CD34: variants seen among roughly 807,000 people sequenced by gnomAD.
CD34 encodes hematopoietic progenitor cell antigen CD34.
In CD34, 34 loss-of-function variants were observed where a neutral mutation model predicts 40.1. The ratio of observed to expected loss-of-function variants is 0.85; its 90% CI spans 0.65 to 1.13. The LOEUF (loss-of-function observed/expected upper bound fraction) is 1.13, where lower values mean the gene tolerates loss of function less well. Ranked by LOEUF, CD34 falls within the 50% of genes most tolerant of loss-of-function variation. The pLI is 0.00. For missense variants in CD34, 426 were observed against 466.9 expected, an observed-to-expected ratio of 0.91 and a Z score of 0.81; for synonymous variants, 209 against 190.0, an observed-to-expected ratio of 1.10 and a Z score of -0.82.
At chr1:207,891,518 T>TA (rs1353900402) in intron 4 of CD34, among the ~76,000 whole-genome samples, 5 of 151,528 alleles carry the variant, frequency 3.3e-5, no homozygotes, top group Non-Finnish European at 7.4e-5. Context: ...CCTATCTCTA[T>TA]AAAAAATTTA....
chr1:207,899,711 G>T, intron 2 of CD34, 110 bp downstream of exon 2: 1 of 941,512 alleles, frequency 1.1e-6, no homozygotes, highest in Non-Finnish European at 1.6e-6. Context: ...TAATACTAGG[G>T]ACTTGTATAA....
chr1:207,905,205 G>A (rs1352121113), intron 1 of CD34, among the ~76,000 whole-genome samples: 1 of 152,170 alleles, frequency 6.6e-6, no homozygotes, highest in Non-Finnish European at 1.5e-5. Flanking sequence ...GCACGATCTT[G>A]GCTGGCTGCA....
Position 207,887,287 on chromosome 1 carries a change from T to TCG in CD34, c.*450_*451insCG. On this transcript the variant is annotated 3_prime_UTR_variant, in exon 8 of 8. Transcript: ENST00000310833. The stretch of plus-strand genomic sequence containing the variant: ...CAAGAGAGCAGGTGCAAAAGGTTAC[T>TCG]TTGGTTTCCTCAAAGTAGAGAAAGA... The TCG allele has an allele frequency of 6.0e-6, 1 of 165,298 alleles. No individual in the cohort carries two copies. The highest frequency in any genetic ancestry group is 1.7e-4 in the South Asian group (1 of 5,908). 10.2% of individuals were successfully genotyped at this position (165,298 alleles called of 1,614,324 possible). A position where few individuals can be genotyped will look rare whatever the true frequency, so the allele number is the denominator to read the frequency against.
At chr1:207,894,423 C>G (rs1214776133) in intron 4 of CD34, among the ~76,000 whole-genome samples, 3 of 152,136 alleles carry the variant, frequency 2.0e-5, no homozygotes, top group Non-Finnish European at 2.9e-5. Context: ...CATGGGTACA[C>G]AGTTTCAGTG....
chr1:207,887,927 G>A lies in CD34; in HGVS notation c.973-4C>T. The A allele has an allele frequency of 6.2e-7, 1 of 1,611,340 alleles. No individual in the cohort carries two copies. The highest frequency in any genetic ancestry group is 8.5e-7 in the Non-Finnish European group (1 of 1,179,110). On this transcript the variant is annotated splice_region_variant and splice_polypyrimidine_tract_variant and intron_variant, in intron 7 of 7. Coordinates refer to ENST00000310833, the MANE Select transcript of CD34 (RefSeq NM_001025109.2). ...CCGTGTAATAAGGGTCTTCGCCCTA[G>A]ACAGTGTATAAATAAAGTAGCATTA...
chr1:207,897,633 C>T (rs1482801679), intron 3 of CD34, 60 bp from the exon 4 acceptor site: 8 of 1,323,098 alleles, frequency 6.0e-6, no homozygotes, highest in African/African-American at 1.5e-5. Flanking sequence ...CTTTGCTCCT[C>T]ATTTCTTTCC....
At chr1:207,896,824 G>A (rs186068520) in intron 4 of CD34, among the ~76,000 whole-genome samples, 16 of 151,942 alleles carry the variant, frequency 1.1e-4, no homozygotes, top group Admixed American at 6.5e-4. Flanking sequence ...TACAAATACT[G>A]TAGTAAAAAC....
intron 1 of CD34, among the ~76,000 whole-genome samples, chr1:207,906,056 A>G (rs532368211): frequency 1.6e-4 from 24 of 152,320 alleles, no homozygotes; most frequent in African/African-American, 5.8e-4. Flanking sequence ...TGTGGAGAGT[A>G]CAAAATGAGA....
intron 1 of CD34, among the ~76,000 whole-genome samples, chr1:207,902,059 G>A (rs1277748291): frequency 6.6e-6 from 1 of 152,182 alleles, no homozygotes; most frequent in African/African-American, 2.4e-5. Context: ...GATGACAAGG[G>A]TTTCACTCTC....
At chr1:207,890,271 A>G in intron 4 of CD34, 1 of 991,768 alleles carries the variant, frequency 1.0e-6, no homozygotes, top group Non-Finnish European at 1.2e-6. Context: ...TGGACTCAGA[A>G]GAAAAACTCT....
In CD34 at chr1:207,889,475, G is replaced by T; in HGVS notation, c.744C>A (p.Ala248=). Residue 248 remains alanine (A), a synonymous_variant, in exon 5 of 8, where the codon GCC becomes GCA. Coordinates refer to ENST00000310833, the MANE Select transcript of CD34 (RefSeq NM_001025109.2). ...AGAGGTGCACCTTACCTGTTCTGTT[G>T]GCCAAGACCAGCAGTAGACACTGAG... is the stretch of plus-strand genomic sequence containing the variant. ...VRPQCLLLVL[A]NRTEISSKLQ... is the part of the protein sequence containing the mutation. 6.2e-7 allele frequency: 1 copy of T among 1,612,240 alleles called. No individual in the cohort carries two copies. The highest frequency in any genetic ancestry group is 8.5e-7 in the Non-Finnish European group (1 of 1,178,890).
chr1:207,893,373 T>C (rs1254737745), intron 4 of CD34, among the ~76,000 whole-genome samples: 2 of 152,192 alleles, frequency 1.3e-5, no homozygotes, highest in African/African-American at 4.8e-5. Context: ...CTAGGATCAA[T>C]CATCTCCCCC....
intron 1 of CD34, among the ~76,000 whole-genome samples, chr1:207,904,012 G>A (rs904359851): frequency 6.6e-6 from 1 of 152,144 alleles, no homozygotes; most frequent in Non-Finnish European, 1.5e-5. Flanking sequence ...TTCTAAGAAA[G>A]CAAAGACATG....
In CD34 at chr1:207,887,418, G is replaced by T. The variant is rs3738464; in HGVS notation, c.*320C>A. On this transcript the variant is annotated 3_prime_UTR_variant, in exon 8 of 8. Transcript: ENST00000310833. ...GTTCCTGTATTGCGGCAGAGAGGAG[G>T]GGGTAGGGGAAGGGGGTCCTGTGTG... The T allele has an allele frequency of 1.1e-5, 3 of 277,740 alleles. No homozygotes were observed. Among genetic ancestry groups the T allele is most frequent in the Non-Finnish European group, 2.0e-5 (3 of 148,868 alleles). The allele number at this position is 277,740 out of a possible 1,614,324, so 17.2% of individuals were successfully genotyped here. A position where few individuals can be genotyped will look rare whatever the true frequency, so the allele number is the denominator to read the frequency against.
rs1661817278 is a variant in CD34 at position 207,881,856 on chromosome 1, TA to T, written c.*5881del. On this transcript the variant is annotated 3_prime_UTR_variant, in exon 8 of 8. Transcript: ENST00000310833. Reference sequence around the variant, plus strand: ...TTATTGTTATTTTTAAACAAATTAATAAATAAAATTTTCTCAATTTTAATTT... The same window carrying T: ...TTATTGTTATTTTTAAACAAATTAATAATAAAATTTTCTCAATTTTAATTT... 1 of 152,192 alleles carries T rather than the reference TA, an allele frequency of 6.6e-6. No individual in the cohort carries two copies. The highest frequency in any genetic ancestry group is 2.1e-4 in the South Asian group (1 of 4,830). 9.4% of individuals were successfully genotyped at this position (152,192 alleles called of 1,614,324 possible). A position where few individuals can be genotyped will look rare whatever the true frequency, so the allele number is the denominator to read the frequency against.
rs772025818 is a variant in CD34, at chr1:207,899,147, G to A, written c.342C>T (p.Thr114=). The part of the protein sequence containing the change: ...GNTNSSVQSQ[T]SVISTVFTTP... ...TGGTGAACACTGTGCTGATTACAGA[G>A]GTCTGTGACTGGACAGAAGAGTTTG... Residue 114 remains threonine (T), a synonymous_variant, in exon 3 of 8, where the codon ACC becomes ACT. Coordinates refer to ENST00000310833, the MANE Select transcript of CD34 (RefSeq NM_001025109.2). 6.2e-7 allele frequency: 1 copy of A among 1,614,112 alleles called. No individual in the cohort carries two copies. Among genetic ancestry groups the A allele is most frequent in the African/African-American group, 1.3e-5 (1 of 75,034 alleles).
chr1:207,892,602 C>G (rs957748345), intron 4 of CD34, among the ~76,000 whole-genome samples: 3 of 151,734 alleles, frequency 2.0e-5, no homozygotes, highest in African/African-American at 7.2e-5. Context: ...AAAAAAGTGT[C>G]CAATGTGGTG....
chr1:207,904,706 A>G (rs1381769098), intron 1 of CD34, among the ~76,000 whole-genome samples: 1 of 152,236 alleles, frequency 6.6e-6, no homozygotes, highest in Non-Finnish European at 1.5e-5. Flanking sequence ...TCTGTGACTC[A>G]TCTGCCACAA....
chr1:207,884,251 C>T lies in CD34; in HGVS notation c.*3487G>A, dbSNP rs1014707409. The T allele has an allele frequency of 1.3e-5, 2 of 152,166 alleles. No individual in the cohort carries two copies. Among genetic ancestry groups the T allele is most frequent in the African/African-American group, 4.8e-5 (2 of 41,424 alleles). 9.4% of individuals were successfully genotyped at this position (152,166 alleles called of 1,614,324 possible). A position where few individuals can be genotyped will look rare whatever the true frequency, so the allele number is the denominator to read the frequency against. ...CCACTGTTATTTTTCTAAAAGTAACCACCATATGTAAAATACCAACCATTA... is the reference window on the plus strand; with the variant it reads ...CCACTGTTATTTTTCTAAAAGTAACTACCATATGTAAAATACCAACCATTA... On this transcript the variant is annotated 3_prime_UTR_variant, in exon 8 of 8. Coordinates refer to ENST00000310833, the MANE Select transcript of CD34 (RefSeq NM_001025109.2).
Sources: allele counts gnomAD v4.1 joint callset (sites outside exome capture counted in the v4.1 genomes callset), GRCh38; gene constraint gnomAD v4.1.1; transcripts MANE v1.5; gene names NCBI Gene and HGNC (gene_info 2026-07-23, HGNC 2026-07-21).